CTNNA2: variants seen among roughly 807,000 people sequenced by gnomAD.
CTNNA2 encodes catenin alpha-2.
A neutral mutation model predicts 101.0 loss-of-function variants in CTNNA2; 42 were observed. The observed-to-expected ratio is 0.42, with a 90% CI of 0.32 to 0.54. CTNNA2 has a LOEUF of 0.54. CTNNA2 is among the 20% of genes least tolerant of loss of function. CTNNA2 has a pLI of 0.14. For synonymous variants in CTNNA2, 450 were observed against 456.4 expected (o/e 0.99, Z 0.18); for missense variants, 871 against 1,223.1 (o/e 0.71, Z 4.29).
intron 8 of CTNNA2, among the ~76,000 whole-genome samples, chr2:80,412,067 A>G (rs1177851994): frequency 6.6e-6 from 1 of 152,036 alleles, no homozygotes; most frequent in Non-Finnish European, 1.5e-5. Context: ...TAACATTTTT[A>G]ACAGCACCAT....
chr2:79,577,217 A>G (rs1303034941), intron 1 of CTNNA2, among the ~76,000 whole-genome samples: 2 of 152,092 alleles, frequency 1.3e-5, no homozygotes, highest in Non-Finnish European at 2.9e-5. Flanking sequence ...ACTACCCCCA[A>G]GTAGTTTCAA....
intron 2 of CTNNA2, among the ~76,000 whole-genome samples, chr2:79,237,479 C>T (rs1674571458): frequency 6.6e-6 from 1 of 152,194 alleles, no homozygotes; most frequent in Non-Finnish European, 1.5e-5. Context: ...AATTCACTAG[C>T]TGCATTAGCC....
intron 3 of CTNNA2, among the ~76,000 whole-genome samples, chr2:79,749,075 A>G (rs1372754033): frequency 1.3e-5 from 2 of 152,158 alleles, no homozygotes; most frequent in African/African-American, 2.4e-5. Context: ...ACTTTCACGT[A>G]TCACCATTTA....
At chr2:80,172,038 A>G (rs967766465) in intron 7 of CTNNA2, among the ~76,000 whole-genome samples, 1 of 152,178 alleles carries the variant, frequency 6.6e-6, no homozygotes, top group Non-Finnish European at 1.5e-5. Context: ...GCAGCAAGGG[A>G]GAAATCATAG....
At chr2:80,037,813 A>G (rs1695769255) in intron 7 of CTNNA2, among the ~76,000 whole-genome samples, 1 of 152,242 alleles carries the variant, frequency 6.6e-6, no homozygotes. Context: ...CTTATCAAAC[A>G]CTGGGCAGGA....
At chr2:79,460,029 A>G (rs904439797) in intron 4 of CTNNA2, among the ~76,000 whole-genome samples, 2 of 152,074 alleles carry the variant, frequency 1.3e-5, no homozygotes, top group African/African-American at 2.4e-5. Flanking sequence ...TACCTAGGAC[A>G]TTGCCTAGTG....
At chr2:80,630,310 T>TTTCATATGTCA (rs1672142309) in intron 18 of CTNNA2, among the ~76,000 whole-genome samples, 1 of 152,192 alleles carries the variant, frequency 6.6e-6, no homozygotes, top group Admixed American at 6.5e-5. Flanking sequence ...TAGAAAACCT[T>TTTCATATGTCA]TTCATATGTC....
chr2:80,547,726 G>C (rs1469054709), intron 11 of CTNNA2, among the ~76,000 whole-genome samples: 1 of 102,050 alleles, frequency 9.8e-6, no homozygotes, highest in Non-Finnish European at 1.8e-5. Flanking sequence ...TTTCACTCTT[G>C]TTGCCCAGGC....
intron 4 of CTNNA2, among the ~76,000 whole-genome samples, chr2:79,468,223 G>T (rs910124034): frequency 7.2e-5 from 11 of 152,098 alleles, no homozygotes; most frequent in African/African-American, 2.4e-4. Flanking sequence ...GGCAGGGGTT[G>T]CAATCCTAGT....
At chr2:79,959,297 T>C (rs1689463957) in intron 7 of CTNNA2, among the ~76,000 whole-genome samples, 1 of 152,206 alleles carries the variant, frequency 6.6e-6, no homozygotes, top group Admixed American at 6.5e-5. Context: ...CTCCCCTATC[T>C]ACTACTCTAG....
At chr2:79,621,269 G>T (rs1558777805) in intron 1 of CTNNA2, among the ~76,000 whole-genome samples, 1 of 152,150 alleles carries the variant, frequency 6.6e-6, no homozygotes, top group Non-Finnish European at 1.5e-5. Context: ...AGCACCTCTA[G>T]CATCCAGAAC....
intron 11 of CTNNA2, among the ~76,000 whole-genome samples, chr2:80,552,285 T>C (rs1692629429): frequency 6.6e-6 from 1 of 152,130 alleles, no homozygotes; most frequent in Non-Finnish European, 1.5e-5. Context: ...CCAACAGACT[T>C]GCTTGACGCA....
At chr2:79,718,498 AT>A (rs990713912) in intron 2 of CTNNA2, among the ~76,000 whole-genome samples, 1 of 152,144 alleles carries the variant, frequency 6.6e-6, no homozygotes, top group African/African-American at 2.4e-5. Flanking sequence ...TTCTTGCCAC[AT>A]TTATTCATTA....
At chr2:80,259,329 A>C (rs573831999) in intron 7 of CTNNA2, among the ~76,000 whole-genome samples, 1 of 152,252 alleles carries the variant, frequency 6.6e-6, no homozygotes, top group Admixed American at 6.5e-5. Flanking sequence ...CAAGGTGAGG[A>C]GACGGAACTG....
At chr2:80,419,345 T>G (rs1680309429) in intron 8 of CTNNA2, 104 bp from the exon 9 acceptor site, 3 of 860,846 alleles carry the variant, frequency 3.5e-6, no homozygotes, top group Non-Finnish European at 5.4e-6. Flanking sequence ...AATAGGAATA[T>G]TATCTCCATG....
chr2:80,530,378 G>C (rs1043614071), intron 9 of CTNNA2, among the ~76,000 whole-genome samples: 1 of 152,170 alleles, frequency 6.6e-6, no homozygotes, highest in Non-Finnish European at 1.5e-5. Context: ...CTCAACAAGG[G>C]AGCTTCCAGC....
At chr2:79,945,211 T>G (rs908675471) in intron 7 of CTNNA2, among the ~76,000 whole-genome samples, 1 of 152,012 alleles carries the variant, frequency 6.6e-6, no homozygotes, top group Non-Finnish European at 1.5e-5. Context: ...CCTGGATAAT[T>G]TTTTATTTTT....
intron 7 of CTNNA2, among the ~76,000 whole-genome samples, chr2:80,291,611 C>T (rs1309288778): frequency 6.6e-6 from 1 of 152,164 alleles, no homozygotes; most frequent in Non-Finnish European, 1.5e-5. Context: ...TGCTTAGTGT[C>T]CCAGGGGCCA....
intron 7 of CTNNA2, among the ~76,000 whole-genome samples, chr2:79,941,803 G>C (rs965251730): frequency 6.6e-6 from 1 of 151,990 alleles, no homozygotes; most frequent in East Asian, 1.9e-4. Context: ...ATTTGCAGTA[G>C]AGGTGGGGTG....
Sources: allele counts gnomAD v4.1 joint callset (sites outside exome capture counted in the v4.1 genomes callset), GRCh38; gene constraint gnomAD v4.1.1; transcripts MANE v1.5; gene names NCBI Gene and HGNC (gene_info 2026-07-23, HGNC 2026-07-21).